The following ANKRD30BL variants were observed in gnomAD, a reference collection of about 807,000 sequenced individuals.
ANKRD30BL encodes ankyrin repeat domain 30B like, also known as putative ankyrin repeat domain-containing protein 30B-like.
In ANKRD30BL, 20 loss-of-function variants were observed where a neutral mutation model predicts 18.4. The ratio of observed to expected loss-of-function variants is 1.09; its 90% CI spans 0.77 to 1.58. ANKRD30BL has a LOEUF of 1.58. Ranked by LOEUF, ANKRD30BL falls within the 40% of genes most tolerant of loss-of-function variation. ANKRD30BL has a pLI of 0.00. For synonymous variants in ANKRD30BL, 72 were observed against 100.9 expected, an observed-to-expected ratio of 0.71 and a Z score of 1.72; for missense variants, 224 against 268.6, an observed-to-expected ratio of 0.83 and a Z score of 1.16.
At chr2:132,249,653 T>C (rs111649755) in intron 1 of ANKRD30BL, among the ~76,000 whole-genome samples, 15 of 152,166 alleles carry the variant, frequency 9.9e-5, no homozygotes, top group African/African-American at 3.4e-4. Flanking sequence ...TATTTCCTTT[T>C]TCACCATTGG....
intron 1 of ANKRD30BL, among the ~76,000 whole-genome samples, chr2:132,230,139 T>TA (rs1679967953): frequency 6.6e-6 from 1 of 151,928 alleles, no homozygotes; most frequent in African/African-American, 2.4e-5. Context: ...TATCTTCCCA[T>TA]AAAAAATAGA....
In ANKRD30BL at chr2:132,161,885, C is replaced by T; in HGVS notation, c.-180G>A. The T allele has an allele frequency of 6.7e-6, 4 of 593,876 alleles. No homozygotes were observed. Among genetic ancestry groups the T allele is most frequent in the South Asian group, 2.0e-5 (1 of 49,682 alleles). The allele number at this position is 593,876 out of a possible 1,614,324, so 36.8% of individuals were successfully genotyped here. On this transcript the variant is annotated 5_prime_UTR_variant, in exon 1 of 6. Coordinates refer to ENST00000409867, the MANE Select transcript of ANKRD30BL (RefSeq NM_001358416.1). ...CCGGGAGAAAATGGCTGCGCAAAACCGTTAGGCAGCTGAGCAGAACCGTTA... is the reference window on the plus strand; with the variant it reads ...CCGGGAGAAAATGGCTGCGCAAAACTGTTAGGCAGCTGAGCAGAACCGTTA...
intron 1 of ANKRD30BL, among the ~76,000 whole-genome samples, chr2:132,237,981 A>G (rs1680207580): frequency 6.6e-6 from 1 of 152,086 alleles, no homozygotes; most frequent in African/African-American, 2.4e-5. Flanking sequence ...ACCAGACAGA[A>G]GCATTCTCAG....
At chr2:132,227,662 G>A (rs969564662) in intron 1 of ANKRD30BL, among the ~76,000 whole-genome samples, 13 of 152,164 alleles carry the variant, frequency 8.5e-5, no homozygotes, top group Non-Finnish European at 5.9e-5. Flanking sequence ...TCTTTTTGTA[G>A]AATCCGCTAG....
At chr2:132,191,303 T>G (rs1249082849) in intron 1 of ANKRD30BL, among the ~76,000 whole-genome samples, 6 of 152,222 alleles carry the variant, frequency 3.9e-5, no homozygotes, top group Admixed American at 3.3e-4. Context: ...TGTTTATCCT[T>G]TAGCCTGTTG....
At chr2:132,234,429 TAGA>T (rs1312213718) in intron 1 of ANKRD30BL, among the ~76,000 whole-genome samples, 1 of 151,796 alleles carries the variant, frequency 6.6e-6, no homozygotes, top group Non-Finnish European at 1.5e-5. Flanking sequence ...ACAAAATTGA[TAGA>T]CAGCTAGCAA....
intron 1 of ANKRD30BL, among the ~76,000 whole-genome samples, chr2:132,175,401 A>G (rs891729577): frequency 8.5e-5 from 13 of 152,340 alleles, no homozygotes; most frequent in East Asian, 5.8e-4. Context: ...AGAACAATAA[A>G]GCAGCATTGC....
At chr2:132,160,843 A>C (rs534892084) in intron 1 of ANKRD30BL, among the ~76,000 whole-genome samples, 1 of 151,862 alleles carries the variant, frequency 6.6e-6, no homozygotes, top group South Asian at 2.1e-4. Flanking sequence ...AGCGTGTGTA[A>C]TTTTAAAAAT....
chr2:132,222,832 T>TAAAAAAAAAAAAAAAAAAAAA (rs71001178), intron 1 of ANKRD30BL, among the ~76,000 whole-genome samples: 2 of 52,808 alleles, frequency 3.8e-5, no homozygotes, highest in African/African-American at 5.2e-5. Flanking sequence ...GAATGATCAA[T>TAAAAAAAAAAAAAAAAAAAAA]AAAAAAAAAA....
At position 132,173,007 on chromosome 2, in the gene ANKRD30BL, A is replaced by G. The variant is rs183254617; in HGVS notation, n.442-15861T>C. Among the ~76,000 whole-genome samples the G allele has an allele frequency of 6.4e-3, 970 of 151,792 alleles. 4 individuals carry two copies. The highest frequency in any genetic ancestry group is 0.011 in the Non-Finnish European group (738 of 67,938). On this transcript the variant is annotated intron_variant and non_coding_transcript_variant, in intron 1 of 4. Transcript: ENST00000470729. The stretch of plus-strand genomic sequence containing the variant: ...AGGCGTGAGCCACCACACCTGGTCA[A>G]CGGTGACTTTTAATGCACAGAACTT...
chr2:132,235,961 A>G (rs938294503), intron 1 of ANKRD30BL, among the ~76,000 whole-genome samples: 4 of 152,144 alleles, frequency 2.6e-5, no homozygotes, highest in Non-Finnish European at 4.4e-5. Flanking sequence ...ACAGTAACCA[A>G]AACAGCATGG....
At chr2:132,171,211 G>A (rs1328091336) in intron 1 of ANKRD30BL, among the ~76,000 whole-genome samples, 2 of 151,654 alleles carry the variant, frequency 1.3e-5, no homozygotes, top group Non-Finnish European at 2.9e-5. Flanking sequence ...AAGGAACTGA[G>A]TTAGTTATGG....
intron 1 of ANKRD30BL, among the ~76,000 whole-genome samples, chr2:132,205,629 GA>G (rs869301466): frequency 1.9e-4 from 28 of 148,870 alleles, no homozygotes; most frequent in African/African-American, 6.2e-4. Flanking sequence ...AAGAAAAAAA[GA>G]AAAAAAAGAA....
intron 1 of ANKRD30BL, among the ~76,000 whole-genome samples, chr2:132,206,360 A>G (rs1679212642): frequency 6.6e-6 from 1 of 152,062 alleles, no homozygotes; most frequent in South Asian, 2.1e-4. Context: ...TAATAATAAT[A>G]ATAATGCTAA....
At chr2:132,190,320 A>G (rs1678821456) in intron 1 of ANKRD30BL, among the ~76,000 whole-genome samples, 1 of 151,834 alleles carries the variant, frequency 6.6e-6, no homozygotes, top group African/African-American at 2.4e-5. Context: ...CTGTGGTTCT[A>G]TTCCCTCAAC....
intron 1 of ANKRD30BL, among the ~76,000 whole-genome samples, chr2:132,203,385 T>C (rs2104749565): frequency 6.6e-6 from 1 of 152,332 alleles, no homozygotes; most frequent in East Asian, 1.9e-4. Flanking sequence ...ACTAGGGAGG[T>C]AAGCTTGTTC....
intron 1 of ANKRD30BL, among the ~76,000 whole-genome samples, chr2:132,230,054 C>A (rs1297222021): frequency 6.6e-6 from 1 of 151,352 alleles, no homozygotes; most frequent in Non-Finnish European, 1.5e-5. Flanking sequence ...TGATAGAGCA[C>A]GTTTCAAACA....
chr2:132,209,205 C>G (rs1173463357), intron 1 of ANKRD30BL, among the ~76,000 whole-genome samples: 1 of 152,076 alleles, frequency 6.6e-6, no homozygotes. Context: ...CAGAAGCATT[C>G]TGAGAAACTT....
chr2:132,185,432 T>C (rs1000626056), intron 1 of ANKRD30BL, among the ~76,000 whole-genome samples: 3 of 152,170 alleles, frequency 2.0e-5, no homozygotes, highest in African/African-American at 7.2e-5. Context: ...CCCCCAGTAT[T>C]TTTCTAATTA....
Sources: allele counts gnomAD v4.1 joint callset (sites outside exome capture counted in the v4.1 genomes callset), GRCh38; gene constraint gnomAD v4.1.1; transcripts MANE v1.5; gene names NCBI Gene and HGNC (gene_info 2026-07-23, HGNC 2026-07-21).